TPTE2: variants seen among roughly 807,000 people sequenced by gnomAD.
TPTE2 encodes the protein phosphatidylinositol 3,4,5-trisphosphate 3-phosphatase TPTE2.
Under a neutral mutation model 78.6 loss-of-function variants are expected in TPTE2, and 53 were observed. The observed-to-expected ratio is 0.67, with a 90% CI of 0.54 to 0.85. TPTE2 has a LOEUF of 0.85. Ranked by LOEUF, TPTE2 falls within the 40% of genes least tolerant of loss-of-function variation. The pLI is 0.00. For missense variants in TPTE2, 461 were observed against 623.0 expected, an observed-to-expected ratio of 0.74 and a Z score of 2.77; for synonymous variants, 175 against 206.2, an observed-to-expected ratio of 0.85 and a Z score of 1.30.
chr13:19,428,519 T>C (rs1876315679), intron 17 of TPTE2, among the ~76,000 whole-genome samples: 1 of 151,962 alleles, frequency 6.6e-6, no homozygotes, highest in African/African-American at 2.4e-5. Flanking sequence ...GTGTGGTTCA[T>C]GTTTATAATC....
the TPTE2 span, among the ~76,000 whole-genome samples, chr13:19,547,720 C>CATATATATATATAGATAT: frequency 8.4e-6 from 1 of 118,864 alleles, no homozygotes; most frequent in East Asian, 3.5e-4. Context: ...AATAAATATA[C>CATATATATATATAGATAT]ATATATATAT....
chr13:19,449,887 TCTCC>T (rs1878066559), intron 13 of TPTE2, among the ~76,000 whole-genome samples, 185 bp downstream of exon 16: 3 of 152,160 alleles, frequency 2.0e-5, no homozygotes, highest in Admixed American at 2.0e-4. Context: ...TTCCTTATCC[TCTCC>T]CTATCTCCTA....
intron 13 of TPTE2, among the ~76,000 whole-genome samples, chr13:19,439,770 T>G (rs1942973204): frequency 2.6e-5 from 4 of 152,164 alleles, no homozygotes; most frequent in Admixed American, 2.6e-4. Context: ...CAATCAGAAC[T>G]TCTGGAACTA....
intron 9 of TPTE2, among the ~76,000 whole-genome samples, chr13:19,464,805 T>C (rs1344129425): frequency 1.3e-5 from 2 of 152,224 alleles, no homozygotes; most frequent in African/African-American, 2.4e-5. Context: ...TTAGAATTTA[T>C]TTCTTATCTT....
At chr13:19,429,331 C>A (rs1468171792) in intron 17 of TPTE2, among the ~76,000 whole-genome samples, 1 of 152,206 alleles carries the variant, frequency 6.6e-6, no homozygotes. Flanking sequence ...AGAAAACTGT[C>A]AAAGGCATAA....
chr13:19,503,587 AGG>A (rs34041069), upstream of TPTE2, among the ~76,000 whole-genome samples: 110,602 of 151,580 alleles, frequency 0.73, 43,188 homozygotes, highest in East Asian at 0.96. Flanking sequence ...TTTTGTGTGG[AGG>A]TAGTCAGCCC....
At chr13:19,514,592 AGTGTGTGTGTGT>A (rs151110694) in intron 1 of TPTE2, among the ~76,000 whole-genome samples, 43 of 126,814 alleles carry the variant, frequency 3.4e-4, no homozygotes, top group Middle Eastern at 8.5e-3. Flanking sequence ...TACTTCTGAG[AGTGTGTGTGTGT>A]GTGTGTGTGT....
chr13:19,469,197 G>A (rs1879460128), intron 6 of TPTE2, among the ~76,000 whole-genome samples: 1 of 152,156 alleles, frequency 6.6e-6, no homozygotes, highest in Non-Finnish European at 1.5e-5. Context: ...TTTGATTTTT[G>A]TATACGGTGA....
At chr13:19,449,129 G>C (rs1038312425) in intron 13 of TPTE2, among the ~76,000 whole-genome samples, 1 of 152,126 alleles carries the variant, frequency 6.6e-6, no homozygotes, top group Admixed American at 6.6e-5. Context: ...CGGGGCTGGG[G>C]AGACAAAACT....
chr13:19,440,779 GCAAA>G (rs754144387), intron 13 of TPTE2, among the ~76,000 whole-genome samples: 16 of 151,132 alleles, frequency 1.1e-4, no homozygotes, highest in African/African-American at 2.9e-4. Context: ...AAACAAACAA[GCAAA>G]CAAACAAACA....
chr13:19,491,853 T>G (rs1038197054), intron 3 of TPTE2, among the ~76,000 whole-genome samples: 7 of 152,106 alleles, frequency 4.6e-5, no homozygotes, highest in African/African-American at 1.7e-4. Flanking sequence ...GAAATACATT[T>G]TAATTTGCCC....
At chr13:19,436,919 G>A (rs1877132864) in intron 14 of TPTE2, among the ~76,000 whole-genome samples, 1 of 152,096 alleles carries the variant, frequency 6.6e-6, no homozygotes, top group East Asian at 1.9e-4. Flanking sequence ...CCAGTTAGAA[G>A]AAGCACAGGC....
intron 19 of TPTE2, 58 bp from the exon 23 acceptor site, chr13:19,423,222 G>T (rs1402065565): frequency 2.2e-6 from 3 of 1,368,458 alleles, no homozygotes; most frequent in Non-Finnish European, 3.0e-6. Context: ...AAGCCACGCA[G>T]TTGGGTACCC....
chr13:19,520,234 T>C (rs1694320084), intron 1 of TPTE2, among the ~76,000 whole-genome samples: 1 of 152,018 alleles, frequency 6.6e-6, no homozygotes, highest in Non-Finnish European at 1.5e-5. Flanking sequence ...TTTTATTTCT[T>C]TTCTGTGGTT....
intron 3 of TPTE2, among the ~76,000 whole-genome samples, chr13:19,484,103 A>G (rs1449998875): frequency 2.0e-5 from 3 of 152,192 alleles, no homozygotes; most frequent in African/African-American, 4.8e-5. Context: ...GGATGAAGCT[A>G]AAAACATACT....
At chr13:19,495,635 A>AATGC (rs1881260026) in intron 1 of TPTE2, among the ~76,000 whole-genome samples, 1 of 152,168 alleles carries the variant, frequency 6.6e-6, no homozygotes, top group South Asian at 2.1e-4. Flanking sequence ...TGTGTGTATG[A>AATGC]ATGCATGTAT....
Position 19,482,357 on chromosome 13 carries a change from C to T in TPTE2, c.179+131G>A. 7.2e-6 allele frequency: 7 copies of T among 967,056 alleles called. No homozygotes were observed. The South Asian group carries it at 1.6e-4, about 22-fold the overall frequency. 59.9% of individuals were successfully genotyped at this position (967,056 alleles called of 1,614,324 possible). A position where few individuals can be genotyped will look rare whatever the true frequency, so the allele number is the denominator to read the frequency against. ...ATTCAACTGGAGTAAATACGGTGTA[C>T]CCTCCCACCATACATTTTGATATCT... On this transcript the variant is annotated intron_variant, in intron 4 of 19. Transcript: ENST00000400230.
chr13:19,455,504 C>G (rs1034110046), intron 10 of TPTE2, among the ~76,000 whole-genome samples: 11 of 152,140 alleles, frequency 7.2e-5, no homozygotes, highest in Admixed American at 2.0e-4. Flanking sequence ...TTGCCATGAC[C>G]TTGAAACATA....
At chr13:19,428,597 C>T (rs909306666) in intron 17 of TPTE2, among the ~76,000 whole-genome samples, 1 of 151,898 alleles carries the variant, frequency 6.6e-6, no homozygotes, top group Non-Finnish European at 1.5e-5. Flanking sequence ...GCCTGGGCAA[C>T]ATAGCAAGTC....
Sources: gnomAD v4.1 joint callset for allele counts (sites outside exome capture counted in the v4.1 genomes callset) on GRCh38, gnomAD v4.1.1 for gene constraint, MANE v1.5 for transcripts, NCBI Gene and HGNC (gene_info 2026-07-23, HGNC 2026-07-21) for gene names.